KTN1: variants seen among roughly 807,000 people sequenced by gnomAD.
KTN1 encodes the protein kinectin.
Under a neutral mutation model 222.5 loss-of-function variants are expected in KTN1, and 130 were observed. The observed-to-expected ratio is 0.58, with a 90% CI of 0.51 to 0.68. KTN1 has a LOEUF of 0.68. Among genes scored for constraint, KTN1 ranks in the 30% least tolerant of loss-of-function variants. KTN1 has a pLI of 0.00. For missense variants in KTN1, 1,508 were observed against 1,500.4 expected, an observed-to-expected ratio of 1.01 and a Z score of -0.08; for synonymous variants, 512 against 496.3, an observed-to-expected ratio of 1.03 and a Z score of -0.42.
At chr14:55,637,468 A>G in intron 11 of KTN1, 104 bp downstream of exon 11, 2 of 817,626 alleles carry the variant, frequency 2.4e-6, no homozygotes, top group Non-Finnish European at 3.7e-6. Flanking sequence ...TAATTCTGAA[A>G]TGATGATGAA....
intron 18 of KTN1, chr14:55,644,560 CTT>C (rs34100965): frequency 0.12 from 37,540 of 314,474 alleles, 3 homozygotes; most frequent in East Asian, 0.14. Context: ...CAGAATAAGA[CTT>C]TTTTTTTTTT....
chr14:55,650,887 C>A (rs1333461567), intron 24 of KTN1, among the ~76,000 whole-genome samples: 1 of 151,906 alleles, frequency 6.6e-6, no homozygotes, highest in Non-Finnish European at 1.5e-5. Context: ...TTTTAGTTTG[C>A]CAATTACAAA....
At chr14:55,609,917 G>C (rs897659661) in intron 1 of KTN1, among the ~76,000 whole-genome samples, 3 of 152,056 alleles carry the variant, frequency 2.0e-5, no homozygotes, top group African/African-American at 7.2e-5. Flanking sequence ...AAGCATTCCT[G>C]GTTGACGAAT....
intron 18 of KTN1, among the ~76,000 whole-genome samples, chr14:55,646,461 T>TTTCCTTTCCC (rs2042316870): frequency 1.1e-4 from 1 of 9,504 alleles, no homozygotes; most frequent in Non-Finnish European, 2.6e-4. Context: ...TCCTTTTCCT[T>TTTCCTTTCCC]TTCCTTTCCT....
chr14:55,683,957 T>C, intron 43 of KTN1, 142 bp from the exon 44 acceptor site: 1 of 533,974 alleles, frequency 1.9e-6, no homozygotes, highest in Non-Finnish European at 3.2e-6. Flanking sequence ...TGATTACCAT[T>C]AGTGTGAATT....
In KTN1 at chr14:55,615,227, A is replaced by G. The variant is rs533778209; in HGVS notation, c.524-1290A>G. Among the ~76,000 whole-genome samples, 56 of 152,290 alleles carry G rather than the reference A, an allele frequency of 3.7e-4. 2 individuals carry two copies. The South Asian group carries it at 0.012, about 32-fold the overall frequency. On this transcript the variant is annotated intron_variant, in intron 2 of 43. Coordinates refer to ENST00000395314, the MANE Select transcript of KTN1 (RefSeq NM_001079521.2). ...GAAATTTACTATTTTAACAACTTTT[A>G]AGTGTGTAGTTTTGTGGTGGTAAGT...
chr14:55,583,550 T>C (rs895256758), intron 1 of KTN1, among the ~76,000 whole-genome samples: 1 of 152,226 alleles, frequency 6.6e-6, no homozygotes, highest in Non-Finnish European at 1.5e-5. Flanking sequence ...TGCACTCTTC[T>C]TCCAGGACAT....
intron 18 of KTN1, among the ~76,000 whole-genome samples, chr14:55,644,656 G>C (rs891849446): frequency 2.0e-5 from 3 of 149,460 alleles, no homozygotes; most frequent in African/African-American, 4.9e-5. Flanking sequence ...TTAAGATTCA[G>C]TGATCAAGAT....
Position 55,619,201 on chromosome 14 carries a change from TA to T in KTN1, c.855del (p.Asp286IlefsTer6). The T allele has an allele frequency of 6.2e-7, 1 of 1,607,270 alleles. No homozygotes were observed. The highest frequency in any genetic ancestry group is 8.5e-7 in the Non-Finnish European group (1 of 1,175,072). Reference protein sequence around the residue: ...TDKENAEVKFKDFLLSLKTMM... With the variant: ...TDKENAEVKFXDFLLSLKTMM... ...ATTAAGAAAATGCTGAAGTGAAGTT[TA>T]AAGATTTTCTTCTGTCCTTGAAGAC... On this transcript the variant is annotated frameshift_variant, in exon 5 of 44. Coordinates refer to ENST00000395314, the MANE Select transcript of KTN1 (RefSeq NM_001079521.2). LOFTEE classifies it high-confidence loss of function.
At chr14:55,682,934 T>A (rs1426675259) in intron 43 of KTN1, 1 of 152,168 alleles carries the variant, frequency 6.6e-6, no homozygotes, top group Non-Finnish European at 1.5e-5. Context: ...ATTTGGTTTG[T>A]CAGTAGCGTA....
chr14:55,623,452 T>C (rs1463076995), intron 5 of KTN1, among the ~76,000 whole-genome samples: 2 of 152,242 alleles, frequency 1.3e-5, no homozygotes, highest in Admixed American at 1.3e-4. Context: ...CAATCTCTGC[T>C]CACCGTAGCC....
intron 2 of KTN1, among the ~76,000 whole-genome samples, chr14:55,616,037 G>A (rs1474701524): frequency 6.6e-6 from 1 of 151,894 alleles, no homozygotes; most frequent in Non-Finnish European, 1.5e-5. Flanking sequence ...CTCAGCCCCA[G>A]AGTAGCTGGA....
chr14:55,589,443 G>A (rs1438290361), intron 1 of KTN1, among the ~76,000 whole-genome samples: 1 of 151,636 alleles, frequency 6.6e-6, no homozygotes, highest in Non-Finnish European at 1.5e-5. Flanking sequence ...CTGAGTAGCT[G>A]GGATTACAGG....
In KTN1 at chr14:55,633,272, C is replaced by T. The variant is rs1170791721; in HGVS notation, c.1259C>T (p.Ala420Val). 2 of 1,597,662 alleles carry T rather than the reference C, an allele frequency of 1.3e-6. No homozygotes were observed. Among genetic ancestry groups the T allele is most frequent in the Non-Finnish European group, 1.7e-6 (2 of 1,171,948 alleles). ...CGTGAGCAGATGGAGGCAGAGATAGCTCACTTGAAGCAGGAAAATGGTATA... is the reference window on the plus strand; with the variant it reads ...CGTGAGCAGATGGAGGCAGAGATAGTTCACTTGAAGCAGGAAAATGGTATA... The part of the protein sequence containing the change: ...QVREQMEAEI[A>V]HLKQENGILR... Residue 420 changes from alanine to valine, a missense_variant, in exon 8 of 44, where the codon GCT becomes GTT. Ala to Val is a moderately conservative substitution (Grantham distance 64). Transcript: ENST00000395314.
intron 19 of KTN1, 43 bp downstream of exon 19, chr14:55,647,050 T>C: frequency 8.5e-7 from 1 of 1,179,788 alleles, no homozygotes. Flanking sequence ...GAGTTACTTC[T>C]ACCAAATTAA....
chr14:55,598,565 CTAAT>C, intron 1 of KTN1, among the ~76,000 whole-genome samples: 1 of 149,910 alleles, frequency 6.7e-6, no homozygotes, highest in Middle Eastern at 3.4e-3. Flanking sequence ...TTAATTTTTA[CTAAT>C]TATTTACTAA....
chr14:55,602,109 C>T (rs2036061886), intron 1 of KTN1, among the ~76,000 whole-genome samples: 2 of 152,178 alleles, frequency 1.3e-5, no homozygotes, highest in South Asian at 4.1e-4. Flanking sequence ...ATGATACAGC[C>T]TTCTACTGAT....
intron 22 of KTN1, 90 bp from the exon 23 acceptor site, chr14:55,650,237 TG>T (rs1423891353): frequency 1.3e-6 from 1 of 798,210 alleles, no homozygotes; most frequent in Non-Finnish European, 2.0e-6. Flanking sequence ...AGGGTTGATT[TG>T]GAGAGCCATT....
At chr14:55,657,259 ATAT>A (rs1416047802) in intron 29 of KTN1, among the ~76,000 whole-genome samples, 4 of 152,172 alleles carry the variant, frequency 2.6e-5, no homozygotes, top group African/African-American at 9.7e-5. Context: ...AAAATTTTTG[ATAT>A]TATACTTGAA....
Sources: allele counts gnomAD v4.1 joint callset (sites outside exome capture counted in the v4.1 genomes callset), GRCh38; gene constraint gnomAD v4.1.1; transcripts MANE v1.5; gene names NCBI Gene and HGNC (gene_info 2026-07-23, HGNC 2026-07-21).